Variants in SMCO4 observed in about 807,000 individuals in gnomAD.
The protein encoded by SMCO4 is single-pass membrane protein with coiled-coil domains 4.
In SMCO4, 4 loss-of-function variants were observed where a neutral mutation model predicts 3.6. The ratio of observed to expected loss-of-function variants is 1.11; its 90% CI spans 0.54 to 2.53. The LOEUF (loss-of-function observed/expected upper bound fraction) is 2.53. Ranked by LOEUF, SMCO4 falls within the 30% of genes most tolerant of loss-of-function variation. The probability of loss-of-function intolerance (pLI) is 0.02; values close to 1 mark genes in which losing one functional copy is unlikely to be tolerated. For synonymous variants in SMCO4, 36 were observed against 35.3 expected, an observed-to-expected ratio of 1.02 and a Z score of -0.07; for missense variants, 70 against 80.8, an observed-to-expected ratio of 0.87 and a Z score of 0.51.
At chr11:93,481,384 T>G in intron 2 of SMCO4, 1 of 975,164 alleles carries the variant, frequency 1.0e-6, no homozygotes, top group Non-Finnish European at 1.2e-6. Context: ...CAGGGACGGG[T>G]GCACTGAGCT....
intron 1 of SMCO4, among the ~76,000 whole-genome samples, chr11:93,508,683 G>A (rs963238813): frequency 6.6e-6 from 1 of 152,144 alleles, no homozygotes; most frequent in African/African-American, 2.4e-5. Flanking sequence ...AGTCAGCAAA[G>A]AGCAATAAAC....
intron 1 of SMCO4, among the ~76,000 whole-genome samples, chr11:93,516,285 G>A (rs2134616531): frequency 1.3e-5 from 2 of 152,244 alleles, no homozygotes; most frequent in Admixed American, 1.3e-4. Flanking sequence ...AAAGAAAGAA[G>A]GGGAGTCAGG....
the SMCO4 span, among the ~76,000 whole-genome samples, chr11:93,553,161 T>G: frequency 6.6e-6 from 1 of 152,238 alleles, no homozygotes; most frequent in African/African-American, 2.4e-5. Flanking sequence ...GGACAGTGCT[T>G]TTTGCTGATA....
At chr11:93,547,786 G>C (rs1001801308), upstream of SMCO4, among the ~76,000 whole-genome samples, 1 of 152,218 alleles carries the variant, frequency 6.6e-6, no homozygotes, top group Admixed American at 6.5e-5. Flanking sequence ...AATGAGTGTA[G>C]GCTGTGGAAG....
chr11:93,541,926 C>A (rs1223260534), intron 1 of SMCO4, among the ~76,000 whole-genome samples: 1 of 152,146 alleles, frequency 6.6e-6, no homozygotes, highest in Non-Finnish European at 1.5e-5. Flanking sequence ...TCTCTTTATA[C>A]CCCATGTGAC....
chr11:93,479,144 T>C lies in SMCO4; in HGVS notation c.46A>G (p.Lys16Glu). 1 of 1,614,130 alleles carries C rather than the reference T, an allele frequency of 6.2e-7. No individual in the cohort carries two copies. Among genetic ancestry groups the C allele is most frequent in the Non-Finnish European group, 8.5e-7 (1 of 1,180,038 alleles). The change falls in exon 3 of 3, where the codon AAG becomes GAG. Residue 16 changes from lysine to glutamate, a missense_variant. Physicochemically the swap from Lys to Glu is moderately conservative, Grantham distance 56 (BLOSUM62 1). Transcript: ENST00000298966. Reference protein sequence around the residue: ...GKPKKETSKDKKERKQAMQEA... With the variant: ...GKPKKETSKDEKERKQAMQEA... ...TGCATGGCTTGCTTCCGCTCCTTCT[T>C]GTCCTTGGAGGTCTCCTTCTTGGGC...
At chr11:93,485,093 A>G (rs1948632688) in intron 2 of SMCO4, among the ~76,000 whole-genome samples, 2 of 152,254 alleles carry the variant, frequency 1.3e-5, no homozygotes, top group Admixed American at 1.3e-4. Flanking sequence ...AATAAAATCT[A>G]TTATTAAAAT....
chr11:93,486,818 C>T (rs548343915), intron 2 of SMCO4, among the ~76,000 whole-genome samples: 2 of 152,304 alleles, frequency 1.3e-5, no homozygotes, highest in African/African-American at 4.8e-5. Flanking sequence ...CAGGCCCAGA[C>T]ATCCAACCAC....
At chr11:93,520,368 C>T (rs1949046548) in intron 1 of SMCO4, among the ~76,000 whole-genome samples, 2 of 152,170 alleles carry the variant, frequency 1.3e-5, no homozygotes, top group African/African-American at 4.8e-5. Context: ...GAGGGTTTTA[C>T]ATGTTACCCC....
the SMCO4 span, among the ~76,000 whole-genome samples, chr11:93,551,494 TC>T: frequency 1.3e-5 from 2 of 152,134 alleles, no homozygotes; most frequent in African/African-American, 4.8e-5. Context: ...AGACAGGGAG[TC>T]CCCAGCTTCT....
rs1056056597 is a variant in SMCO4 at position 93,531,905 on chromosome 11, C to A, written c.-154+11371G>T. 2.6e-5 allele frequency among the ~76,000 whole-genome samples: 4 copies of A among 152,200 alleles called. No homozygotes were observed. In the South Asian group the frequency reaches 8.3e-4, roughly 31 times the overall value. On this transcript the variant is annotated intron_variant, in intron 1 of 2. Transcript: ENST00000298966. Reference sequence around the variant, plus strand: ...GGCTAATCAGAAACTCAGAAGAATGCAACCATTTGTCTCTTATCTACCTAT... The same window carrying A: ...GGCTAATCAGAAACTCAGAAGAATGAAACCATTTGTCTCTTATCTACCTAT...
intron 2 of SMCO4, among the ~76,000 whole-genome samples, chr11:93,496,831 C>T (rs1384015112): frequency 3.3e-5 from 5 of 152,160 alleles, no homozygotes; most frequent in East Asian, 3.8e-4. Context: ...ACAAGCATCA[C>T]GATAGGCTTG....
chr11:93,483,218 G>A (rs535268146), intron 2 of SMCO4, among the ~76,000 whole-genome samples: 1 of 152,326 alleles, frequency 6.6e-6, no homozygotes, highest in African/African-American at 2.4e-5. Context: ...CAGGGAAAGA[G>A]AAATCAAGAA....
upstream of SMCO4, among the ~76,000 whole-genome samples, chr11:93,546,504 C>T (rs76528691): frequency 0.023 from 3,545 of 152,258 alleles, 62 homozygotes; most frequent in Middle Eastern, 0.058. Context: ...ATGGTTTTAT[C>T]ATAGATCACG....
At chr11:93,489,655 T>C (rs1948691722) in intron 2 of SMCO4, among the ~76,000 whole-genome samples, 1 of 152,178 alleles carries the variant, frequency 6.6e-6, no homozygotes. Flanking sequence ...AAAGACAATG[T>C]GAGGATGACA....
intron 1 of SMCO4, among the ~76,000 whole-genome samples, chr11:93,503,684 G>A (rs1056251385): frequency 6.6e-6 from 1 of 152,146 alleles, no homozygotes; most frequent in African/African-American, 2.4e-5. Context: ...ATATACGAAT[G>A]ACAAGACCAC....
intron 1 of SMCO4, among the ~76,000 whole-genome samples, chr11:93,511,339 G>A (rs1948955152): frequency 6.6e-6 from 1 of 152,074 alleles, no homozygotes; most frequent in African/African-American, 2.4e-5. Context: ...CCTAGGGACT[G>A]ATGCAGGCCA....
intron 2 of SMCO4, among the ~76,000 whole-genome samples, chr11:93,487,739 A>G (rs1948667757): frequency 6.6e-6 from 1 of 152,228 alleles, no homozygotes; most frequent in South Asian, 2.1e-4. Context: ...TGTGTTATGT[A>G]TTATTGTCCT....
At chr11:93,496,582 C>T (rs80096340) in intron 2 of SMCO4, among the ~76,000 whole-genome samples, 3,296 of 152,096 alleles carry the variant, frequency 0.022, 101 homozygotes, top group African/African-American at 0.074. Context: ...TCAGAGGTGA[C>T]CCCTGTCTAT....
Sources: gnomAD v4.1 joint callset for allele counts (sites outside exome capture counted in the v4.1 genomes callset) on GRCh38, gnomAD v4.1.1 for gene constraint, MANE v1.5 for transcripts, NCBI Gene and HGNC (gene_info 2026-07-23, HGNC 2026-07-21) for gene names.